MSI2: variants seen among roughly 807,000 people sequenced by gnomAD.
MSI2 encodes the protein musashi RNA binding protein 2.
MSI2 carries 17 observed loss-of-function variants against 45.6 expected under a neutral mutation model. The ratio of observed to expected loss-of-function variants is 0.37; its 90% CI spans 0.26 to 0.56. MSI2 has a LOEUF of 0.56. Among genes scored for constraint, MSI2 ranks in the 20% least tolerant of loss-of-function variants. The pLI, the probability that MSI2 is intolerant of heterozygous loss-of-function variation, is 0.77. For synonymous variants in MSI2, 156 were observed against 158.2 expected (o/e 0.99, Z 0.11); for missense variants, 293 against 444.2 (o/e 0.66, Z 3.06).
rs1414610319 is a variant in MSI2 at position 57,682,639 on chromosome 17, T to C, written c.*3122T>C. 1 of 213,502 alleles carries C rather than the reference T, an allele frequency of 4.7e-6. No homozygotes were observed. Among genetic ancestry groups the C allele is most frequent in the Non-Finnish European group, 9.5e-6 (1 of 105,622 alleles). 13.2% of individuals were successfully genotyped at this position (213,502 alleles called of 1,614,324 possible). A position where few individuals can be genotyped will look rare whatever the true frequency, so the allele number is the denominator to read the frequency against. On this transcript the variant is annotated 3_prime_UTR_variant, in exon 14 of 14. Transcript: ENST00000284073. Reference sequence around the variant, plus strand: ...CCCCCCATTCCATCTAGAAGTCCATTTTGAAAGATTTTTGTAAATTCTTTT... The same window carrying C: ...CCCCCCATTCCATCTAGAAGTCCATCTTGAAAGATTTTTGTAAATTCTTTT...
At chr17:57,275,004 A>T (rs1185033216) in intron 5 of MSI2, among the ~76,000 whole-genome samples, 1 of 152,210 alleles carries the variant, frequency 6.6e-6, no homozygotes, top group Non-Finnish European at 1.5e-5. Context: ...CAAAAGAAAA[A>T]TTTTAAAGCC....
chr17:57,264,373 C>A (rs1400685450), intron 5 of MSI2: 1 of 151,750 alleles, frequency 6.6e-6, no homozygotes, highest in Non-Finnish European at 1.5e-5. Context: ...AACCTGCTAT[C>A]TTATTTATTT....
At chr17:57,666,287 C>G in intron 11 of MSI2, among the ~76,000 whole-genome samples, 1 of 152,226 alleles carries the variant, frequency 6.6e-6, no homozygotes, top group East Asian at 1.9e-4. Flanking sequence ...CATTTCCTAG[C>G]TGTTCAAACC....
chr17:57,445,152 C>T (rs927930715), intron 6 of MSI2, among the ~76,000 whole-genome samples: 9 of 152,066 alleles, frequency 5.9e-5, no homozygotes, highest in Non-Finnish European at 1.0e-4. Flanking sequence ...GAGGAGTCGC[C>T]GCAGACTTCC....
At chr17:57,303,771 A>G (rs1328405944) in intron 5 of MSI2, among the ~76,000 whole-genome samples, 2 of 152,216 alleles carry the variant, frequency 1.3e-5, no homozygotes, top group African/African-American at 4.8e-5. Flanking sequence ...ACAAACTATT[A>G]TGGGATGCTA....
chr17:57,678,322 G>C (rs1913378883), intron 13 of MSI2, among the ~76,000 whole-genome samples: 7 of 152,190 alleles, frequency 4.6e-5, no homozygotes. Flanking sequence ...TTCCCCTTGA[G>C]CACTGACCCA....
chr17:57,519,275 A>G (rs2086534375), intron 6 of MSI2, among the ~76,000 whole-genome samples: 1 of 152,180 alleles, frequency 6.6e-6, no homozygotes. Context: ...GTGTGCATGC[A>G]GGCGAGGGGA....
intron 5 of MSI2, among the ~76,000 whole-genome samples, chr17:57,323,181 C>G (rs920232283): frequency 5.9e-5 from 9 of 152,222 alleles, no homozygotes; most frequent in African/African-American, 2.2e-4. Context: ...AGATTCCCAC[C>G]CCCAAGGCAT....
At chr17:57,571,351 G>A (rs962473040) in intron 7 of MSI2, among the ~76,000 whole-genome samples, 2 of 152,118 alleles carry the variant, frequency 1.3e-5, no homozygotes, top group African/African-American at 4.8e-5. Context: ...CAGGCTGAGG[G>A]GCCTGACCTT....
intron 6 of MSI2, among the ~76,000 whole-genome samples, chr17:57,482,539 G>T (rs1598318943): frequency 6.6e-6 from 1 of 152,174 alleles, no homozygotes; most frequent in South Asian, 2.1e-4. Context: ...AGGGAGTTTG[G>T]GTGCCAGAGG....
At chr17:57,462,381 C>T (rs2085248306) in intron 6 of MSI2, among the ~76,000 whole-genome samples, 1 of 152,190 alleles carries the variant, frequency 6.6e-6, no homozygotes, top group Admixed American at 6.5e-5. Context: ...GGCTGCCAGC[C>T]CCTGCCAGGA....
chr17:57,623,508 A>G (rs867176710), intron 9 of MSI2, among the ~76,000 whole-genome samples: 3 of 152,172 alleles, frequency 2.0e-5, no homozygotes, highest in Non-Finnish European at 4.4e-5. Flanking sequence ...TCCAAATTCT[A>G]TTGTTGATTT....
chr17:57,576,593 TA>T (rs1397689774), intron 7 of MSI2, among the ~76,000 whole-genome samples: 2 of 151,948 alleles, frequency 1.3e-5, no homozygotes, highest in African/African-American at 4.8e-5. Context: ...CTGTCTCTAC[TA>T]AAAATACAAA....
intron 6 of MSI2, among the ~76,000 whole-genome samples, chr17:57,528,068 C>T (rs1462733055): frequency 1.3e-5 from 2 of 152,066 alleles, no homozygotes; most frequent in African/African-American, 4.8e-5. Flanking sequence ...TGAAATTGCT[C>T]TGAGGACAGG....
chr17:57,344,377 A>C (rs1047625339), intron 5 of MSI2, among the ~76,000 whole-genome samples: 2 of 152,222 alleles, frequency 1.3e-5, no homozygotes, highest in African/African-American at 4.8e-5. Context: ...GAGGCCCTTC[A>C]TTCTGATTCC....
At chr17:57,668,974 C>G (rs531552237) in intron 11 of MSI2, among the ~76,000 whole-genome samples, 1 of 152,346 alleles carries the variant, frequency 6.6e-6, no homozygotes, top group South Asian at 2.1e-4. Flanking sequence ...CTCTACCAGT[C>G]TCTCCTACCT....
intron 10 of MSI2, among the ~76,000 whole-genome samples, chr17:57,647,264 A>T (rs995820444): frequency 8.0e-6 from 1 of 125,742 alleles, no homozygotes; most frequent in Non-Finnish European, 1.6e-5. Context: ...TCTCGACTCT[A>T]CTAAAAATAC....
intron 6 of MSI2, among the ~76,000 whole-genome samples, chr17:57,433,386 G>A (rs2084635160): frequency 6.6e-6 from 1 of 152,168 alleles, no homozygotes; most frequent in Non-Finnish European, 1.5e-5. Context: ...CACACATGGG[G>A]AGAAGACCCC....
chr17:57,652,304 G>T lies in MSI2; in HGVS notation c.790+143G>T, dbSNP rs375923657. 5.5e-5 allele frequency: 48 copies of T among 876,470 alleles called. No individual in the cohort carries two copies. The African/African-American group carries it at 7.4e-4, about 14-fold the overall frequency. The allele number at this position is 876,470 out of a possible 1,614,324, so 54.3% of individuals were successfully genotyped here. A position where few individuals can be genotyped will look rare whatever the true frequency, so the allele number is the denominator to read the frequency against. ...CGGGGAGGGGGTGGACGGGGAGGGG[G>T]TGGACCGGGAGGCGCGGGCAAGGCC... On this transcript the variant is annotated intron_variant, in intron 11 of 13. Transcript: ENST00000284073. This position sits in a 1 kb window ranked among gnomAD's most constrained non-coding sequence, Gnocchi z 4.1.
Sources: allele counts gnomAD v4.1 joint callset (sites outside exome capture counted in the v4.1 genomes callset), GRCh38; gene constraint gnomAD v4.1.1; non-coding constraint Gnocchi (gnomAD v3.1); transcripts MANE v1.5; gene names NCBI Gene and HGNC (gene_info 2026-07-23, HGNC 2026-07-21).